The following RGSL1 variants were observed in gnomAD, a reference collection of about 807,000 sequenced individuals.
The protein encoded by RGSL1 is regulator of G protein signaling like 1.
RGSL1 carries 97 observed loss-of-function variants against 124.7 expected under a neutral mutation model. The observed-to-expected ratio is 0.78, with a 90% confidence interval of 0.66 to 0.92. The LOEUF is 0.92. RGSL1 is among the 40% of genes least tolerant of loss of function. The pLI is 0.00. For synonymous variants in RGSL1, 424 were observed against 438.1 expected (o/e 0.97, Z 0.40); for missense variants, 1,233 against 1,288.4 (o/e 0.96, Z 0.66).
intron 14 of RGSL1, among the ~76,000 whole-genome samples, chr1:182,533,221 A>G (rs1164327422): frequency 5.4e-5 from 8 of 147,328 alleles, no homozygotes; most frequent in Non-Finnish European, 1.2e-4. Context: ...CCTCCTAATT[A>G]TTTTTCTGTA....
chr1:182,545,398 T>C (rs1019585815), intron 15 of RGSL1, among the ~76,000 whole-genome samples: 4 of 152,172 alleles, frequency 2.6e-5, no homozygotes, highest in African/African-American at 9.6e-5. Context: ...TCTGACAAAT[T>C]TGTCTTTTAG....
chr1:182,467,056 C>A (rs7411002), intron 4 of RGSL1, among the ~76,000 whole-genome samples: 11,912 of 152,132 alleles, frequency 0.078, 516 homozygotes, highest in South Asian at 0.18. Context: ...ATCCAACTTA[C>A]AATGGATGTG....
chr1:182,553,390 A>T (rs1176339220), intron 18 of RGSL1, 65 bp from the exon 19 acceptor site: 3 of 1,212,208 alleles, frequency 2.5e-6, no homozygotes, highest in Non-Finnish European at 3.6e-6. Flanking sequence ...TTGCTTACTT[A>T]GAGAGATTTA....
intron 9 of RGSL1, among the ~76,000 whole-genome samples, chr1:182,496,734 T>C (rs916472464): frequency 6.6e-6 from 1 of 152,220 alleles, no homozygotes; most frequent in African/African-American, 2.4e-5. Context: ...CAGAAAAGTA[T>C]TTTCAAGTGT....
At chr1:182,518,035 G>GT (rs764165637) in intron 9 of RGSL1, among the ~76,000 whole-genome samples, 67 of 136,274 alleles carry the variant, frequency 4.9e-4, no homozygotes, top group Middle Eastern at 7.0e-3. Flanking sequence ...TTGCTTAGAG[G>GT]TTTTTTGTTG....
chr1:182,466,790 C>A (rs1047652731), intron 4 of RGSL1, among the ~76,000 whole-genome samples: 94 of 152,074 alleles, frequency 6.2e-4, no homozygotes, highest in African/African-American at 2.3e-3. Flanking sequence ...CTATCAAAAT[C>A]TCAATGACAT....
At chr1:182,462,941 A>G (rs536667626) in intron 4 of RGSL1, among the ~76,000 whole-genome samples, 3 of 152,358 alleles carry the variant, frequency 2.0e-5, no homozygotes, top group African/African-American at 7.2e-5. Context: ...AACGCAGAAC[A>G]AAAGAGCTAT....
At chr1:182,515,786 G>C (rs977233546) in intron 9 of RGSL1, among the ~76,000 whole-genome samples, 1 of 152,168 alleles carries the variant, frequency 6.6e-6, no homozygotes, top group African/African-American at 2.4e-5. Context: ...CAGCTCGTAC[G>C]TGCTGCAGAC....
chr1:182,546,871 A>G (rs866767548), intron 15 of RGSL1, among the ~76,000 whole-genome samples: 1 of 152,210 alleles, frequency 6.6e-6, no homozygotes, highest in African/African-American at 2.4e-5. Context: ...TTGGGAAGCA[A>G]CACACCTCCT....
chr1:182,556,006 T>G lies in RGSL1; in HGVS notation c.3198-18T>G. On this transcript the variant is annotated intron_variant, in intron 20 of 21. Coordinates refer to ENST00000294854, the MANE Select transcript of RGSL1 (RefSeq NM_001137669.2). ...CTGCATCATAATTGTGATAACTGGC[T>G]GTTTTCTCTCCCTTCAGACAAAAAT... 2 of 1,548,880 alleles carry G rather than the reference T, an allele frequency of 1.3e-6. No individual in the cohort carries two copies. Among genetic ancestry groups the G allele is most frequent in the Non-Finnish European group, 1.7e-6 (2 of 1,144,464 alleles).
At chr1:182,510,406 C>T (rs1205286378) in intron 9 of RGSL1, among the ~76,000 whole-genome samples, 1 of 41,018 alleles carries the variant, frequency 2.4e-5, no homozygotes, top group Non-Finnish European at 5.5e-5. Context: ...ACTGAGTGAA[C>T]GAGACTCCGT....
chr1:182,507,112 C>G (rs1433255343), intron 9 of RGSL1: 2 of 151,284 alleles, frequency 1.3e-5, no homozygotes, highest in East Asian at 3.9e-4. Context: ...GCCTCAGCCT[C>G]CTAAGTAGCT....
Position 182,458,542 on chromosome 1 carries a change from T to G in RGSL1, c.171+149T>G, listed in dbSNP as rs534093557. ...TGCAGTGCGGTGATGCGATCTTAGC[T>G]CACTGCAACCTTTGCCTCCCTGGCT... On this transcript the variant is annotated intron_variant, in intron 3 of 21. Transcript: ENST00000294854. The G allele has an allele frequency of 9.0e-6, 6 of 666,216 alleles. No homozygotes were observed. In the African/African-American group the frequency reaches 1.1e-4, roughly 12 times the overall value. The allele number at this position is 666,216 out of a possible 1,614,324, so 41.3% of individuals were successfully genotyped here. A position where few individuals can be genotyped will look rare whatever the true frequency, so the allele number is the denominator to read the frequency against.
rs989777671 is a variant in RGSL1, at chr1:182,548,615, T to C, written c.2809-85T>C. ...AACCGTATGCCTTTTGGAGAGGGGG[T>C]GGTCATGGGGTTCTGGGGGCCAGGA... On this transcript the variant is annotated intron_variant, in intron 16 of 21. Coordinates refer to ENST00000294854, the MANE Select transcript of RGSL1 (RefSeq NM_001137669.2). The C allele has an allele frequency of 5.2e-6, 8 of 1,524,068 alleles. No individual in the cohort carries two copies. The South Asian group carries it at 1.0e-4, about 19-fold the overall frequency. 94.4% of individuals were successfully genotyped at this position (1,524,068 alleles called of 1,614,324 possible). A position where few individuals can be genotyped will look rare whatever the true frequency, so the allele number is the denominator to read the frequency against.
chr1:182,466,673 TAAAG>T (rs1179716606), intron 4 of RGSL1, among the ~76,000 whole-genome samples: 6 of 152,116 alleles, frequency 3.9e-5, no homozygotes, highest in East Asian at 1.9e-4. Flanking sequence ...TGAAAGAAAT[TAAAG>T]AAGACATAAA....
intron 10 of RGSL1, among the ~76,000 whole-genome samples, chr1:182,524,218 G>C (rs1558378173): frequency 6.6e-6 from 1 of 152,178 alleles, no homozygotes; most frequent in Non-Finnish European, 1.5e-5. Context: ...ATTCTTTGGG[G>C]TTTGTTGGAG....
intron 18 of RGSL1, among the ~76,000 whole-genome samples, chr1:182,553,140 G>A (rs1158317179): frequency 6.6e-6 from 1 of 152,096 alleles, no homozygotes; most frequent in Non-Finnish European, 1.5e-5. Context: ...CTGACCTCAG[G>A]TGATCCACTT....
chr1:182,487,288 T>A (rs16859058), intron 6 of RGSL1, among the ~76,000 whole-genome samples: 13,618 of 152,184 alleles, frequency 0.089, 673 homozygotes, highest in South Asian at 0.18. Context: ...CAACAATTCA[T>A]TGCCTACAAA....
At chr1:182,471,095 C>G (rs1021187654) in intron 4 of RGSL1, among the ~76,000 whole-genome samples, 1 of 152,138 alleles carries the variant, frequency 6.6e-6, no homozygotes, top group Non-Finnish European at 1.5e-5. Context: ...TCCCATGAAC[C>G]TTAACACATG....
Sources: allele counts gnomAD v4.1 joint callset (sites outside exome capture counted in the v4.1 genomes callset), GRCh38; gene constraint gnomAD v4.1.1; transcripts MANE v1.5; gene names NCBI Gene and HGNC (gene_info 2026-07-23, HGNC 2026-07-21).